ST3GAL4: variants seen among roughly 807,000 people sequenced by gnomAD.
ST3GAL4 encodes CMP-N-acetylneuraminate-beta-galactosamide-alpha-2,3-sialyltransferase 4.
A neutral mutation model predicts 42.6 loss-of-function variants in ST3GAL4; 24 were observed. That is an observed-to-expected ratio of 0.56 (90% CI 0.41 to 0.79). The LOEUF is 0.79. Among genes scored for constraint, ST3GAL4 ranks in the 30% least tolerant of loss-of-function variants. ST3GAL4 has a pLI of 0.00. For synonymous variants in ST3GAL4, 135 were observed against 163.2 expected, an observed-to-expected ratio of 0.83 and a Z score of 1.32; for missense variants, 311 against 430.8, an observed-to-expected ratio of 0.72 and a Z score of 2.46.
rs1176804790 is a variant in ST3GAL4 at position 126,410,430 on chromosome 11, G to A, written c.771+1019G>A. ...CACAGGTATGGCGCTTGGCTGTGCT[G>A]TGTACTGTGTGGGGCTTGGCAGGTC... On this transcript the variant is annotated intron_variant, in intron 9 of 10. Transcript: ENST00000444328. The surrounding 1 kb of genome is among the most constrained non-coding windows in gnomAD (Gnocchi z 5.3). Among the ~76,000 whole-genome samples, 1 of 152,178 alleles carries A rather than the reference G, an allele frequency of 6.6e-6. No individual in the cohort carries two copies. The highest frequency in any genetic ancestry group is 2.1e-4 in the South Asian group (1 of 4,824).
chr11:126,364,042 C>G (rs773989213), intron 1 of ST3GAL4, among the ~76,000 whole-genome samples: 13 of 152,252 alleles, frequency 8.5e-5, no homozygotes, highest in Non-Finnish European at 1.3e-4. Context: ...AGCTGCCTGG[C>G]GGCCCTGGGG....
rs763913001 is a variant in ST3GAL4, at chr11:126,414,037, C to T, written c.992C>T (p.Thr331Met). The T allele has an allele frequency of 1.1e-5, 18 of 1,614,124 alleles. No homozygotes were observed. Among genetic ancestry groups the T allele is most frequent in the Middle Eastern group, 1.6e-4 (1 of 6,084 alleles). ...MLEMGAIKNLTSF is the reference protein window; with the variant it reads ...MLEMGAIKNLMSF ...GAGATGGGAGCTATCAAGAACCTCACGTCCTTCTGACCTGGGCAAGAGCTG... is the reference window on the plus strand; with the variant it reads ...GAGATGGGAGCTATCAAGAACCTCATGTCCTTCTGACCTGGGCAAGAGCTG... The change falls in exon 11 of 11, where the codon ACG becomes ATG. Residue 331 changes from threonine to methionine, a missense_variant. Coordinates refer to ENST00000444328, the MANE Select transcript of ST3GAL4 (RefSeq NM_001254757.2).
intron 1 of ST3GAL4, among the ~76,000 whole-genome samples, chr11:126,395,352 G>A (rs1434504575): frequency 1.3e-5 from 2 of 152,134 alleles, no homozygotes; most frequent in Admixed American, 6.5e-5. Flanking sequence ...AGTTGTTGCT[G>A]GGAAGTAGAG....
chr11:126,409,544 A>AC lies in ST3GAL4; in HGVS notation c.771+135dup. 1 of 1,246,080 alleles carries AC rather than the reference A, an allele frequency of 8.0e-7. No homozygotes were observed. Among genetic ancestry groups the AC allele is most frequent in the Non-Finnish European group, 1.1e-6 (1 of 893,770 alleles). 77.2% of individuals were successfully genotyped at this position (1,246,080 alleles called of 1,614,324 possible). A position where few individuals can be genotyped will look rare whatever the true frequency, so the allele number is the denominator to read the frequency against. ...GTTTGCATTTTCCCTCCAGGAACAC[A>AC]CCTGTCATTAAAGTTGCTGCTGCAA... On this transcript the variant is annotated intron_variant, in intron 9 of 10. Coordinates refer to ENST00000444328, the MANE Select transcript of ST3GAL4 (RefSeq NM_001254757.2). This position sits in a 1 kb window ranked among gnomAD's most constrained non-coding sequence, Gnocchi z 4.9.
At chr11:126,412,621 C>G (rs189243574) in intron 9 of ST3GAL4, among the ~76,000 whole-genome samples, 1 of 152,156 alleles carries the variant, frequency 6.6e-6, no homozygotes, top group Non-Finnish European at 1.5e-5. Flanking sequence ...GTGGGTGGAT[C>G]GCTTGAGCCC....
chr11:126,358,595 G>A, intron 1 of ST3GAL4: 1 of 337,830 alleles, frequency 3.0e-6, no homozygotes, highest in South Asian at 2.1e-5. Flanking sequence ...GCGATGCCCA[G>A]GCCCTAGCCA....
At chr11:126,368,878 C>G (rs955271177) in intron 1 of ST3GAL4, among the ~76,000 whole-genome samples, 1 of 152,284 alleles carries the variant, frequency 6.6e-6, no homozygotes, top group Non-Finnish European at 1.5e-5. Context: ...TGCTGCTAAT[C>G]TCTACAGCAC....
In ST3GAL4 at chr11:126,406,838, C is replaced by T. The variant is rs972841545; in HGVS notation, c.102-105C>T. 4.8e-5 allele frequency: 54 copies of T among 1,116,296 alleles called. No individual in the cohort carries two copies. The highest frequency in any genetic ancestry group is 6.3e-5 in the Non-Finnish European group (47 of 749,460). 69.1% of individuals were successfully genotyped at this position (1,116,296 alleles called of 1,614,324 possible). A position where few individuals can be genotyped will look rare whatever the true frequency, so the allele number is the denominator to read the frequency against. On this transcript the variant is annotated intron_variant, in intron 3 of 10. Coordinates refer to ENST00000444328, the MANE Select transcript of ST3GAL4 (RefSeq NM_001254757.2). The surrounding 1 kb of genome is among the most constrained non-coding windows in gnomAD (Gnocchi z 5.4). ...AACTTAACTTGAGATGATTCCTCCC[C>T]GGCACCTTGGGACCTTCATGCCGTG...
intron 1 of ST3GAL4, among the ~76,000 whole-genome samples, chr11:126,395,032 A>G (rs536230375): frequency 3.9e-5 from 6 of 152,064 alleles, no homozygotes; most frequent in South Asian, 2.1e-4. Flanking sequence ...TGAGCCAGGA[A>G]GCCTCCCCGT....
intron 1 of ST3GAL4, among the ~76,000 whole-genome samples, chr11:126,372,935 G>T (rs890979909): frequency 3.2e-4 from 48 of 152,078 alleles, no homozygotes; most frequent in Non-Finnish European, 6.5e-4. Flanking sequence ...AGTTCTTTGG[G>T]GTATATACCC....
intron 1 of ST3GAL4, chr11:126,403,360 C>CT (rs1954092830): frequency 1.0e-6 from 1 of 979,788 alleles, no homozygotes; most frequent in South Asian, 4.7e-5. Context: ...CTGCTCACCT[C>CT]TGACGCCAAA....
chr11:126,401,422 G>T (rs758838068), intron 1 of ST3GAL4, among the ~76,000 whole-genome samples: 1 of 152,006 alleles, frequency 6.6e-6, no homozygotes, highest in African/African-American at 2.4e-5. Flanking sequence ...ACAAAAATTA[G>T]CCAGGCATGG....
chr11:126,405,913 G>A, intron 1 of ST3GAL4, 183 bp from the exon 2 acceptor site: 1 of 716,906 alleles, frequency 1.4e-6, no homozygotes, highest in Non-Finnish European at 2.3e-6. Context: ...GATCCTTAAT[G>A]CCGCCCTTGG....
At chr11:126,372,072 G>T (rs987305064) in intron 1 of ST3GAL4, among the ~76,000 whole-genome samples, 1 of 152,160 alleles carries the variant, frequency 6.6e-6, no homozygotes, top group Admixed American at 6.5e-5. Context: ...AGGTTCTGTT[G>T]ACCTGTTGAC....
At chr11:126,357,730 C>T (rs1952117199) in intron 1 of ST3GAL4, among the ~76,000 whole-genome samples, 1 of 152,252 alleles carries the variant, frequency 6.6e-6, no homozygotes, top group African/African-American at 2.4e-5. Context: ...CTTGAGCTGT[C>T]ATTCTGTCCT....
At position 126,408,445 on chromosome 11, in the gene ST3GAL4, C is replaced by T. The variant is rs1481660672; in HGVS notation, c.576C>T (p.Phe192=). Residue 192 remains phenylalanine, a synonymous_variant, in exon 8 of 11, where the codon TTC becomes TTT. Coordinates refer to ENST00000444328, the MANE Select transcript of ST3GAL4 (RefSeq NM_001254757.2). The part of the protein sequence containing the change: ...NPDTLLVLVA[F]KAMDFHWIET... ...ACACACTCCTCGTCCTGGTAGCTTT[C>T]AAGGCAATGGACTTCCACTGGATTG... is the stretch of plus-strand genomic sequence containing the variant. 6.2e-7 allele frequency: 1 copy of T among 1,614,100 alleles called. No homozygotes were observed. The highest frequency in any genetic ancestry group is 2.2e-5 in the East Asian group (1 of 44,892).
chr11:126,387,188 T>C (rs7951067), intron 1 of ST3GAL4, among the ~76,000 whole-genome samples: 81,693 of 152,062 alleles, frequency 0.54, 22,297 homozygotes, highest in African/African-American at 0.64. Flanking sequence ...CTCATACAAC[T>C]TCCCTTCCAG....
rs181163404 is a variant in ST3GAL4, at chr11:126,392,573, A to G, written c.-60-13523A>G. Reference sequence around the variant, plus strand: ...GCCTGGCTTGTTTTAACTTGATGCAACTTGCTGCTCACAGTCATCTTATTG... The same window carrying G: ...GCCTGGCTTGTTTTAACTTGATGCAGCTTGCTGCTCACAGTCATCTTATTG... On this transcript the variant is annotated intron_variant, in intron 1 of 10. Transcript: ENST00000444328. This position sits in a 1 kb window ranked among gnomAD's most constrained non-coding sequence, Gnocchi z 5.8. Among the ~76,000 whole-genome samples the G allele has an allele frequency of 6.6e-6, 1 of 152,342 alleles. No homozygotes were observed. Among genetic ancestry groups the G allele is most frequent in the East Asian group, 1.9e-4 (1 of 5,186 alleles).
At chr11:126,370,540 C>G (rs1431992204) in intron 1 of ST3GAL4, among the ~76,000 whole-genome samples, 1 of 152,192 alleles carries the variant, frequency 6.6e-6, no homozygotes, top group Non-Finnish European at 1.5e-5. Flanking sequence ...GTACATCTTG[C>G]AAATGCACTT....
Sources: allele counts gnomAD v4.1 joint callset (sites outside exome capture counted in the v4.1 genomes callset), GRCh38; gene constraint gnomAD v4.1.1; non-coding constraint Gnocchi (gnomAD v3.1); transcripts MANE v1.5; gene names NCBI Gene and HGNC (gene_info 2026-07-23, HGNC 2026-07-21).